CCSER1: variants seen among roughly 807,000 people sequenced by gnomAD.
CCSER1 encodes coiled-coil serine rich protein 1, also known as serine-rich coiled-coil domain-containing protein 1.
In CCSER1, 41 loss-of-function variants were observed where a neutral mutation model predicts 82.0. The observed-to-expected ratio is 0.50, with a 90% CI of 0.39 to 0.65. The LOEUF (loss-of-function observed/expected upper bound fraction) is 0.65. Ranked by LOEUF, CCSER1 falls within the 30% of genes least tolerant of loss-of-function variation. The probability of loss-of-function intolerance (pLI) is 0.00; values close to 1 mark genes in which losing one functional copy is unlikely to be tolerated. For synonymous variants in CCSER1, 414 were observed against 383.9 expected (o/e 1.08, Z -0.92); for missense variants, 1,119 against 1,064.2 (o/e 1.05, Z -0.72).
chr4:91,183,862 T>A (rs1292969198), intron 10 of CCSER1, among the ~76,000 whole-genome samples: 1 of 152,148 alleles, frequency 6.6e-6, no homozygotes, highest in African/African-American at 2.4e-5. Context: ...GGATTTCCTC[T>A]AAGGATAGAA....
chr4:91,319,699 C>T lies in CCSER1; in HGVS notation c.2217+233705C>T, dbSNP rs774189447. ...CTTCTCCACTTAGTCTTCTGATTTC[C>T]CTGTGTGTCCCTCAGGTTTCTATAG... is the stretch of plus-strand genomic sequence containing the variant. On this transcript the variant is annotated intron_variant, in intron 10 of 10. Coordinates refer to ENST00000509176, the MANE Select transcript of CCSER1 (RefSeq NM_001145065.2). 8.8e-5 allele frequency: 40 copies of T among 455,674 alleles called. 1 individual carries two copies. Among genetic ancestry groups the T allele is most frequent in the South Asian group, 4.0e-4 (26 of 64,554 alleles). The allele number at this position is 455,674 out of a possible 1,614,324, so 28.2% of individuals were successfully genotyped here.
intron 10 of CCSER1, among the ~76,000 whole-genome samples, chr4:91,342,079 A>C (rs932771767): frequency 2.0e-5 from 3 of 152,218 alleles, no homozygotes; most frequent in Middle Eastern, 3.2e-3. Flanking sequence ...GCTGCATAAA[A>C]GTGAATAGGC....
At chr4:90,793,921 G>A (rs573850624) in intron 7 of CCSER1, among the ~76,000 whole-genome samples, 7 of 152,314 alleles carry the variant, frequency 4.6e-5, no homozygotes, top group African/African-American at 1.7e-4. Context: ...GATCAGTGAT[G>A]TTGAGCTTTT....
intron 5 of CCSER1, among the ~76,000 whole-genome samples, chr4:90,477,936 T>C (rs1400731827): frequency 6.6e-6 from 1 of 152,128 alleles, no homozygotes; most frequent in Non-Finnish European, 1.5e-5. Context: ...ATTGAAAATA[T>C]CACAGGGAAT....
intron 10 of CCSER1, among the ~76,000 whole-genome samples, chr4:91,358,390 C>T (rs1428481190): frequency 8.9e-5 from 6 of 67,664 alleles, no homozygotes; most frequent in African/African-American, 2.8e-4. Context: ...GCCTGACCCA[C>T]GTTGTTTTTT....
At chr4:91,043,271 C>G (rs1045353658) in intron 9 of CCSER1, among the ~76,000 whole-genome samples, 47 of 151,906 alleles carry the variant, frequency 3.1e-4, no homozygotes, top group Non-Finnish European at 6.0e-4. Context: ...TAAAAAATAT[C>G]TTAAAAATCA....
At chr4:90,575,061 T>A (rs1780590075) in intron 5 of CCSER1, among the ~76,000 whole-genome samples, 1 of 152,228 alleles carries the variant, frequency 6.6e-6, no homozygotes, top group Non-Finnish European at 1.5e-5. Flanking sequence ...GGTTCATCAC[T>A]TTCTCCTTAT....
chr4:90,228,815 G>C (rs542863009), intron 1 of CCSER1, among the ~76,000 whole-genome samples: 1 of 152,184 alleles, frequency 6.6e-6, no homozygotes, highest in South Asian at 2.1e-4. Context: ...CGAGAACTAC[G>C]TGAAGAATGC....
intron 1 of CCSER1, among the ~76,000 whole-genome samples, chr4:90,251,462 TTCTGCA>T (rs1186795465): frequency 2.6e-5 from 4 of 151,890 alleles, no homozygotes; most frequent in Non-Finnish European, 5.9e-5. Context: ...CCCATGCTGT[TTCTGCA>T]TCTATAACAG....
chr4:90,779,377 C>T (rs187205884), intron 7 of CCSER1, among the ~76,000 whole-genome samples: 4 of 152,012 alleles, frequency 2.6e-5, no homozygotes, highest in African/African-American at 9.6e-5. Flanking sequence ...TTCCTGGAAT[C>T]TAATAATTAT....
At chr4:90,398,078 G>A (rs138231009) in intron 3 of CCSER1, among the ~76,000 whole-genome samples, 206 of 152,246 alleles carry the variant, frequency 1.4e-3, no homozygotes, top group Middle Eastern at 6.8e-3. Flanking sequence ...TTCTCCTGAG[G>A]CCTCTCTCCT....
chr4:90,314,917 G>A (rs1735918095), intron 3 of CCSER1, among the ~76,000 whole-genome samples: 1 of 140,888 alleles, frequency 7.1e-6, no homozygotes, highest in Non-Finnish European at 1.5e-5. Context: ...TGCGATCTCG[G>A]TTCACTGCAA....
At chr4:90,366,507 A>C (rs1424698252) in intron 3 of CCSER1, among the ~76,000 whole-genome samples, 2 of 151,840 alleles carry the variant, frequency 1.3e-5, no homozygotes, top group Non-Finnish European at 2.9e-5. Flanking sequence ...TATGGTGAGA[A>C]CATTTGAAAT....
intron 9 of CCSER1, among the ~76,000 whole-genome samples, chr4:91,041,327 G>A (rs1297760445): frequency 6.6e-6 from 1 of 152,048 alleles, no homozygotes; most frequent in South Asian, 2.1e-4. Flanking sequence ...TATCCATTTT[G>A]GTCAGTGACA....
At chr4:91,566,901 G>T (rs1472509447) in intron 10 of CCSER1, among the ~76,000 whole-genome samples, 4 of 151,702 alleles carry the variant, frequency 2.6e-5, no homozygotes, top group African/African-American at 9.7e-5. Context: ...GTTCAGCTCT[G>T]ATTTTTATTA....
intron 10 of CCSER1, among the ~76,000 whole-genome samples, chr4:91,302,954 A>G (rs1033158831): frequency 6.6e-6 from 1 of 152,032 alleles, no homozygotes; most frequent in African/African-American, 2.4e-5. Flanking sequence ...CAATGACAAC[A>G]AGGACTTTTT....
intron 1 of CCSER1, among the ~76,000 whole-genome samples, chr4:90,268,437 T>G (rs777215495): frequency 6.6e-6 from 1 of 152,186 alleles, no homozygotes; most frequent in Non-Finnish European, 1.5e-5. Context: ...GTTTTCTTTT[T>G]GCTTATTAGT....
chr4:91,022,558 A>G (rs1740093822), intron 9 of CCSER1, among the ~76,000 whole-genome samples: 1 of 152,130 alleles, frequency 6.6e-6, no homozygotes, highest in African/African-American at 2.4e-5. Context: ...TGGTATTTCT[A>G]GTTCTAGATC....
chr4:90,332,455 C>CA (rs1206102282), intron 3 of CCSER1, among the ~76,000 whole-genome samples: 1 of 152,030 alleles, frequency 6.6e-6, no homozygotes. Context: ...AGGCTGGTCT[C>CA]AAACTCCTGA....
Sources: gnomAD v4.1 joint callset for allele counts (sites outside exome capture counted in the v4.1 genomes callset) on GRCh38, gnomAD v4.1.1 for gene constraint, MANE v1.5 for transcripts, NCBI Gene and HGNC (gene_info 2026-07-23, HGNC 2026-07-21) for gene names.